Variants in LYPD4 observed in about 807,000 individuals in gnomAD.
The protein encoded by LYPD4 is ly6/PLAUR domain-containing protein 4.
A neutral mutation model predicts 18.2 loss-of-function variants in LYPD4; 20 were observed. That is an observed-to-expected ratio of 1.10 (90% confidence interval 0.77 to 1.59). The LOEUF (loss-of-function observed/expected upper bound fraction) is 1.59, where lower values mean the gene tolerates loss of function less well. LYPD4 is among the 40% of genes most tolerant of loss of function. The probability of loss-of-function intolerance (pLI) is 0.00; values close to 1 mark genes in which losing one functional copy is unlikely to be tolerated. For synonymous variants in LYPD4, 111 were observed against 118.3 expected (o/e 0.94, Z 0.40); for missense variants, 278 against 300.3 (o/e 0.93, Z 0.55).
intron 1 of LYPD4, among the ~76,000 whole-genome samples, chr19:41,841,757 G>C (rs1555833581): frequency 6.6e-6 from 1 of 152,046 alleles, no homozygotes; most frequent in Non-Finnish European, 1.5e-5. Flanking sequence ...TATCAGACTG[G>C]TAAGGATCAG....
At chr19:41,837,890 T>G (rs782075733) in intron 4 of LYPD4, 45 bp downstream of exon 4, 2 of 1,535,594 alleles carry the variant, frequency 1.3e-6, no homozygotes, top group African/African-American at 2.7e-5. Flanking sequence ...GGACAATGCC[T>G]GGCAGAGAGT....
At chr19:41,840,041 A>G (rs545227453) in intron 1 of LYPD4, among the ~76,000 whole-genome samples, 59 of 150,472 alleles carry the variant, frequency 3.9e-4, no homozygotes, top group Admixed American at 1.6e-3. Flanking sequence ...AGAGACAGAG[A>G]CTCCATTTCA....
At chr19:41,839,065 C>T in intron 2 of LYPD4, 41 bp from the exon 3 acceptor site, 1 of 1,611,736 alleles carries the variant, frequency 6.2e-7, no homozygotes, top group East Asian at 2.2e-5. Context: ...CCCCTCATAT[C>T]ATCTTCTGAG....
In LYPD4 at chr19:41,843,711, C is replaced by G. The variant is rs2123170027; in HGVS notation, c.-254G>C. The G allele has an allele frequency of 6.6e-6, 1 of 152,016 alleles. No individual in the cohort carries two copies. Among genetic ancestry groups the G allele is most frequent in the South Asian group, 2.1e-4 (1 of 4,818 alleles). The allele number at this position is 152,016 out of a possible 1,614,324, so 9.4% of individuals were successfully genotyped here. A position where few individuals can be genotyped will look rare whatever the true frequency, so the allele number is the denominator to read the frequency against. ...AGAAATCTGTGGCCAAGAAAGGTGC[C>G]AAGACCCGCAGAAAAGCTGGGACAC... On this transcript the variant is annotated 5_prime_UTR_variant, in exon 1 of 5. Coordinates refer to ENST00000609812, the MANE Select transcript of LYPD4 (RefSeq NM_173506.7).
At chr19:41,843,063 AAAAAAAAAAAAAAACCC>A (rs2073685045) in intron 1 of LYPD4, among the ~76,000 whole-genome samples, 1 of 45,712 alleles carries the variant, frequency 2.2e-5, no homozygotes, top group Non-Finnish European at 4.3e-5. Context: ...AAAAAAAAAA[AAAAAAAAAAAAAAACCC>A]CAACAACAAC....
rs200441266 is a variant in LYPD4 at position 41,838,913 on chromosome 19, C to T, written c.179G>A (p.Gly60Asp). 63 of 1,614,000 alleles carry T rather than the reference C, an allele frequency of 3.9e-5. No homozygotes were observed. The highest frequency in any genetic ancestry group is 1.4e-5 in the Non-Finnish European group (17 of 1,180,016). The change falls in exon 3 of 5, where the codon GGC becomes GAC. Residue 60 changes from glycine (G) to aspartate (D), a missense_variant. Coordinates refer to ENST00000609812, the MANE Select transcript of LYPD4 (RefSeq NM_173506.7). ...AATGAACACTAGCGTCTCCTCGCAG[C>T]CCTCTTGCAGCTTACACACCATGTT... ...MRNMVCKLQE[G>D]CEETLVFIET...
downstream of LYPD4, among the ~76,000 whole-genome samples, chr19:41,836,278 C>T (rs1394595394): frequency 1.5e-5 from 1 of 67,600 alleles, no homozygotes; most frequent in Admixed American, 2.0e-4. Flanking sequence ...CCCCTATTTG[C>T]CAACTTACCA....
In LYPD4 at chr19:41,838,369, C is replaced by T. The variant is rs562538811; in HGVS notation, c.212-108G>A. The T allele has an allele frequency of 9.5e-5, 91 of 954,106 alleles. No homozygotes were observed. The East Asian group carries it at 2.4e-3, about 26-fold the overall frequency. 59.1% of individuals were successfully genotyped at this position (954,106 alleles called of 1,614,324 possible). On this transcript the variant is annotated intron_variant, in intron 3 of 4. Transcript: ENST00000609812. ...CCCACCCTGCCTGTCACAATCTGTG[C>T]CTCCCTCCCCAACCCCTGTGTCCAC...
At chr19:41,843,049 A>ACCC (rs2073676034) in intron 1 of LYPD4, among the ~76,000 whole-genome samples, 2 of 43,454 alleles carry the variant, frequency 4.6e-5, no homozygotes, top group African/African-American at 1.7e-4. Context: ...AAAAAAAAAA[A>ACCC]AAAAAAAAAA....
intron 3 of LYPD4, 51 bp from the exon 4 acceptor site, chr19:41,838,312 C>G (rs782707890): frequency 2.8e-6 from 4 of 1,430,902 alleles, no homozygotes; most frequent in Non-Finnish European, 3.7e-6. Flanking sequence ...TGGCCTCACC[C>G]AGAGTCCTCC....
intron 3 of LYPD4, among the ~76,000 whole-genome samples, 158 bp from the exon 4 acceptor site, chr19:41,838,419 A>G (rs1746842650): frequency 6.6e-6 from 1 of 151,834 alleles, no homozygotes. Flanking sequence ...CAGGGCTCAG[A>G]TGCTGGGGTC....
intron 4 of LYPD4, 55 bp downstream of exon 4, chr19:41,837,880 G>A: frequency 1.1e-5 from 17 of 1,505,348 alleles, no homozygotes; most frequent in Non-Finnish European, 1.5e-5. Context: ...TGAAGGTGCT[G>A]GACAATGCCT....
chr19:41,841,155 G>A (rs1161391467), intron 1 of LYPD4, among the ~76,000 whole-genome samples: 1 of 152,116 alleles, frequency 6.6e-6, no homozygotes, highest in African/African-American at 2.4e-5. Flanking sequence ...GATGCAGGCC[G>A]GCACAGTGGC....
At chr19:41,841,466 G>A (rs1054663689) in intron 1 of LYPD4, among the ~76,000 whole-genome samples, 3 of 151,926 alleles carry the variant, frequency 2.0e-5, no homozygotes, top group Admixed American at 6.6e-5. Context: ...AGGAGTTCGC[G>A]ACCAGCCTGG....
intron 1 of LYPD4, among the ~76,000 whole-genome samples, chr19:41,840,186 G>A (rs1415319486): frequency 6.6e-6 from 1 of 151,936 alleles, no homozygotes; most frequent in African/African-American, 2.4e-5. Flanking sequence ...AAAATCTGCT[G>A]TAAACTGAAT....
At chr19:41,837,067 C>T (rs142105726), downstream of LYPD4, 1,175 of 1,600,264 alleles carry the variant, frequency 7.3e-4, 13 homozygotes, top group African/African-American at 0.014. Flanking sequence ...GACCACAGGA[C>T]AATGCAGAAA....
At position 41,837,241 on chromosome 19, in the gene LYPD4, T is replaced by C. The variant is rs1555830718; in HGVS notation, c.643A>G (p.Asn215Asp). The C allele has an allele frequency of 6.2e-7, 1 of 1,613,990 alleles. No individual in the cohort carries two copies. Among genetic ancestry groups the C allele is most frequent in the African/African-American group, 1.3e-5 (1 of 74,924 alleles). ...ACAATCTGAGACTTCTCTAAGATGT[T>C]GAGGACCTCAGTCACTTTGATGCTC... ...IGSIKVTEVL[N>D]ILEKSQIVGA... The change falls in exon 5 of 5, where the codon AAC becomes GAC. Residue 215 changes from asparagine (N) to aspartate (D), a missense_variant. Coordinates refer to ENST00000609812, the MANE Select transcript of LYPD4 (RefSeq NM_173506.7).
In LYPD4 at chr19:41,837,081, A is replaced by T; in HGVS notation, c.*62T>A. Reference sequence around the variant, plus strand: ...GGACCACAGGACAATGCAGAAAGGGAACTCTGCTATTTTATTTGTTATGTG... The same window carrying T: ...GGACCACAGGACAATGCAGAAAGGGTACTCTGCTATTTTATTTGTTATGTG... On this transcript the variant is annotated 3_prime_UTR_variant, in exon 5 of 5. Transcript: ENST00000609812. 1 of 1,608,140 alleles carries T rather than the reference A, an allele frequency of 6.2e-7. No individual in the cohort carries two copies. The highest frequency in any genetic ancestry group is 8.5e-7 in the Non-Finnish European group (1 of 1,177,052).
upstream of LYPD4, chr19:41,844,861 T>C (rs1555835044): frequency 2.6e-5 from 4 of 152,214 alleles, no homozygotes; most frequent in Admixed American, 2.0e-4. Flanking sequence ...CGAAGCGCTA[T>C]TGGTGGGACT....
Sources: gnomAD v4.1 joint callset for allele counts (sites outside exome capture counted in the v4.1 genomes callset) on GRCh38, gnomAD v4.1.1 for gene constraint, MANE v1.5 for transcripts, NCBI Gene and HGNC (gene_info 2026-07-23, HGNC 2026-07-21) for gene names.